Variants in FBXO10 observed in about 807,000 individuals in gnomAD.
FBXO10 encodes F-box protein 10.
Under a neutral mutation model 80.7 loss-of-function variants are expected in FBXO10, and 39 were observed. The ratio of observed to expected loss-of-function variants is 0.48; its 90% CI spans 0.37 to 0.63. The LOEUF (loss-of-function observed/expected upper bound fraction) is 0.63, where lower values mean the gene tolerates loss of function less well. FBXO10 is among the 30% of genes least tolerant of loss of function. The pLI is 0.00. For synonymous variants in FBXO10, 449 were observed against 489.6 expected, an observed-to-expected ratio of 0.92 and a Z score of 1.09; for missense variants, 1,025 against 1,269.0, an observed-to-expected ratio of 0.81 and a Z score of 2.92.
rs772712061 is a variant in FBXO10 at position 37,512,509 on chromosome 9, C to T, written c.*38G>A. 14 of 1,592,074 alleles carry T rather than the reference C, an allele frequency of 8.8e-6. No individual in the cohort carries two copies. In the African/African-American group the frequency reaches 1.2e-4, roughly 14 times the overall value. ...GTATTTCCACCTTAGCTCCTCTGAG[C>T]ACCCATCCAGGCTTGGCCCTGAAGC... On this transcript the variant is annotated 3_prime_UTR_variant, in exon 11 of 11. Coordinates refer to ENST00000432825, the MANE Select transcript of FBXO10 (RefSeq NM_012166.3).
In FBXO10 at chr9:37,542,583, C is replaced by G. The variant is rs532114737; in HGVS notation, c.-6-809G>C. Among the ~76,000 whole-genome samples the G allele has an allele frequency of 4.4e-3, 541 of 122,094 alleles. 3 individuals carry two copies. Among genetic ancestry groups the G allele is most frequent in the Middle Eastern group, 0.022 (4 of 186 alleles). 80.1% of individuals were successfully genotyped at this position (122,094 alleles called of 152,430 possible). ...TGCGCTCCAGCATGGGCAACAAGAG[C>G]GAATCTCCATCTCAAAAAAAAAAAA... On this transcript the variant is annotated intron_variant, in intron 1 of 10. Transcript: ENST00000432825.
At chr9:37,553,066 G>A (rs11795400) in intron 1 of FBXO10, among the ~76,000 whole-genome samples, 24,651 of 150,150 alleles carry the variant, frequency 0.16, 2,429 homozygotes, top group East Asian at 0.24. Flanking sequence ...TTTTTGAGAT[G>A]GAGTCTCGCT....
At position 37,518,194 on chromosome 9, in the gene FBXO10, G is replaced by A. The variant is rs781549598; in HGVS notation, c.2445C>T (p.Ile815=). 6.2e-6 allele frequency: 10 copies of A among 1,613,938 alleles called. No homozygotes were observed. The highest frequency in any genetic ancestry group is 3.3e-4 in the Middle Eastern group (2 of 6,084). Residue 815 remains isoleucine, a synonymous_variant, in exon 9 of 11, where the codon ATC becomes ATT. Coordinates refer to ENST00000432825, the MANE Select transcript of FBXO10 (RefSeq NM_012166.3). The part of the protein sequence containing the change: ...HGIITKGDST[I]VIENDIIGNR... ...TGCCAATGATATCGTTTTCAATGAC[G>A]ATGGTGCTGTCGCCCTTGGTGATAA...
intron 1 of FBXO10, among the ~76,000 whole-genome samples, chr9:37,561,616 C>T (rs1340292235): frequency 1.3e-5 from 2 of 152,174 alleles, no homozygotes; most frequent in East Asian, 1.9e-4. Context: ...GCCTGATACA[C>T]CTCATGCAGA....
chr9:37,557,734 T>G (rs942748101), intron 1 of FBXO10, among the ~76,000 whole-genome samples: 1 of 152,214 alleles, frequency 6.6e-6, no homozygotes, highest in Non-Finnish European at 1.5e-5. Flanking sequence ...GGTTTACATT[T>G]ATCTTTCTAC....
intron 1 of FBXO10, among the ~76,000 whole-genome samples, chr9:37,550,602 C>T (rs185456959): frequency 3.2e-4 from 48 of 151,922 alleles, no homozygotes; most frequent in Admixed American, 3.1e-3. Context: ...GCCTCAGCCT[C>T]CCAAGTTGCT....
intron 9 of FBXO10, 84 bp downstream of exon 9, chr9:37,518,041 T>G: frequency 7.3e-7 from 1 of 1,365,214 alleles, no homozygotes; most frequent in Non-Finnish European, 1.0e-6. Flanking sequence ...ATTACGGTTC[T>G]GTTCTCAGCA....
At chr9:37,530,445 C>A (rs1354367882) in intron 4 of FBXO10, among the ~76,000 whole-genome samples, 1 of 152,140 alleles carries the variant, frequency 6.6e-6, no homozygotes, top group Non-Finnish European at 1.5e-5. Context: ...ATATACCACT[C>A]CCTTCCCCCT....
In FBXO10 at chr9:37,521,626, G is replaced by A. The variant is rs373947307; in HGVS notation, c.2143C>T (p.Leu715=). 5 of 1,613,862 alleles carry A rather than the reference G, an allele frequency of 3.1e-6. No individual in the cohort carries two copies. Among genetic ancestry groups the A allele is most frequent in the Non-Finnish European group, 4.2e-6 (5 of 1,179,898 alleles). ...ETELEKEDDP[L]RRPITIALVE... ...AGAGCTATGGTGATGGGCCGGCGCA[G>A]TGGGTCGTCCTCCTTCTCCAGCTCT... Residue 715 remains leucine (L), a synonymous_variant, in exon 8 of 11, where the codon CTG becomes TTG. Coordinates refer to ENST00000432825, the MANE Select transcript of FBXO10 (RefSeq NM_012166.3).
intron 5 of FBXO10, 36 bp from the exon 6 acceptor site, chr9:37,525,208 C>T (rs1421977335): frequency 6.5e-7 from 1 of 1,540,474 alleles, no homozygotes. Flanking sequence ...AGAGGTGAGC[C>T]CAGGGCATCA....
chr9:37,513,893 A>G (rs1224687070), intron 10 of FBXO10, among the ~76,000 whole-genome samples: 1 of 152,098 alleles, frequency 6.6e-6, no homozygotes, highest in African/African-American at 2.4e-5. Context: ...CCCGGCCACG[A>G]TTTCTTTTAT....
chr9:37,565,022 G>T (rs1326887414), intron 1 of FBXO10, among the ~76,000 whole-genome samples: 5 of 152,212 alleles, frequency 3.3e-5, no homozygotes. Flanking sequence ...TTTGTCAGGG[G>T]AGGGACCATG....
At chr9:37,522,008 A>G (rs1182057322) in intron 7 of FBXO10, 170 bp from the exon 8 acceptor site, 2 of 693,790 alleles carry the variant, frequency 2.9e-6, no homozygotes, top group Non-Finnish European at 4.6e-6. Context: ...CCTTCACACA[A>G]GAGAGGTCAT....
chr9:37,512,588 C>T lies in FBXO10; in HGVS notation c.2830G>A (p.Gly944Ser). 6.2e-7 allele frequency: 1 copy of T among 1,613,966 alleles called. No homozygotes were observed. The highest frequency in any genetic ancestry group is 2.2e-5 in the East Asian group (1 of 44,882). Residue 944 changes from glycine to serine, a missense_variant, in exon 11 of 11, where the codon GGT becomes AGT. Around this residue, in one of 3 missense-constraint regions of FBXO10, gnomAD observed 97 missense variants for 101.8 expected, o/e 0.95. Coordinates refer to ENST00000432825, the MANE Select transcript of FBXO10 (RefSeq NM_012166.3). ...AAGACACTGCGGTTGCTGTGGTAACCACCTTCCACCCGGGCTGTGATCCTC... is the reference window on the plus strand; with the variant it reads ...AAGACACTGCGGTTGCTGTGGTAACTACCTTCCACCCGGGCTGTGATCCTC... ...ATRITARVEG[G>S]YHSNRSVFCT...
intron 10 of FBXO10, 178 bp downstream of exon 10, chr9:37,515,726 G>C: frequency 1.6e-6 from 1 of 639,416 alleles, no homozygotes; most frequent in South Asian, 2.0e-5. Context: ...TTCCCTCCTG[G>C]GGAGTCCTCA....
At chr9:37,573,938 T>C (rs1290315608) in intron 1 of FBXO10, among the ~76,000 whole-genome samples, 3 of 152,088 alleles carry the variant, frequency 2.0e-5, no homozygotes, top group Non-Finnish European at 4.4e-5. Context: ...CCATGACAGG[T>C]AACTCAAGAA....
At chr9:37,550,663 G>A (rs1288408150) in intron 1 of FBXO10, among the ~76,000 whole-genome samples, 1 of 151,832 alleles carries the variant, frequency 6.6e-6, no homozygotes, top group East Asian at 1.9e-4. Flanking sequence ...AGTTTTTGTA[G>A]AGATGGGGTT....
At chr9:37,519,039 G>A (rs556240882) in intron 8 of FBXO10, among the ~76,000 whole-genome samples, 92 of 151,988 alleles carry the variant, frequency 6.1e-4, no homozygotes, top group East Asian at 9.7e-4. Context: ...CCTCCTGAGT[G>A]GCTGGGACTA....
chr9:37,527,884 G>A (rs1385523257), intron 5 of FBXO10, among the ~76,000 whole-genome samples: 3 of 152,156 alleles, frequency 2.0e-5, no homozygotes, highest in East Asian at 3.8e-4. Flanking sequence ...TAAGCTGTCT[G>A]TAACAGTGAA....
Sources: allele counts gnomAD v4.1 joint callset (sites outside exome capture counted in the v4.1 genomes callset), GRCh38; gene constraint gnomAD v4.1.1; regional missense constraint gnomAD v4.1.1; transcripts MANE v1.5; gene names NCBI Gene and HGNC (gene_info 2026-07-23, HGNC 2026-07-21).